The following ANKS1B variants were observed in gnomAD, a reference collection of about 807,000 sequenced individuals.
The protein encoded by ANKS1B is ankyrin repeat and sterile alpha motif domain-containing protein 1B.
Under a neutral mutation model 148.3 loss-of-function variants are expected in ANKS1B, and 36 were observed. That is an observed-to-expected ratio of 0.24 (90% CI 0.19 to 0.32). ANKS1B has a LOEUF of 0.32. Among genes scored for constraint, ANKS1B ranks in the 10% least tolerant of loss-of-function variants. The pLI, the probability that ANKS1B is intolerant of heterozygous loss-of-function variation, is 1.00. For synonymous variants in ANKS1B, 542 were observed against 560.8 expected, an observed-to-expected ratio of 0.97 and a Z score of 0.47; for missense variants, 1,157 against 1,542.6, an observed-to-expected ratio of 0.75 and a Z score of 4.19.
chr12:99,197,437 G>A (rs903437622), intron 14 of ANKS1B, among the ~76,000 whole-genome samples: 3 of 152,104 alleles, frequency 2.0e-5, no homozygotes, highest in African/African-American at 7.2e-5. Flanking sequence ...AGGCAGAATA[G>A]TGGCCCCCAA....
intron 11 of ANKS1B, among the ~76,000 whole-genome samples, chr12:99,438,250 A>G (rs928607094): frequency 1.5e-4 from 23 of 151,924 alleles, no homozygotes; most frequent in African/African-American, 5.6e-4. Flanking sequence ...ATGAACATTA[A>G]ATTATATTAG....
chr12:99,164,690 A>G (rs1365625496), intron 14 of ANKS1B, among the ~76,000 whole-genome samples: 1 of 152,030 alleles, frequency 6.6e-6, no homozygotes, highest in African/African-American at 2.4e-5. Flanking sequence ...TCTTTTTCCT[A>G]CAACCACATG....
chr12:99,581,149 T>C (rs971068278), intron 9 of ANKS1B, among the ~76,000 whole-genome samples: 13 of 152,282 alleles, frequency 8.5e-5, no homozygotes, highest in Middle Eastern at 3.4e-3. Flanking sequence ...CTATTTGATT[T>C]CAAGACTTAA....
chr12:99,958,211 C>T (rs2095352468), intron 1 of ANKS1B, among the ~76,000 whole-genome samples: 1 of 152,048 alleles, frequency 6.6e-6, no homozygotes, highest in Non-Finnish European at 1.5e-5. Flanking sequence ...GTCCATGATG[C>T]CTGCTGAAAA....
chr12:98,938,284 T>C (rs1251727449), intron 17 of ANKS1B, among the ~76,000 whole-genome samples: 3 of 152,218 alleles, frequency 2.0e-5, no homozygotes, highest in Non-Finnish European at 2.9e-5. Context: ...TCTCATAGGT[T>C]TCAGTGGAAT....
chr12:99,285,850 A>G (rs986550204), intron 12 of ANKS1B, among the ~76,000 whole-genome samples: 2 of 152,116 alleles, frequency 1.3e-5, no homozygotes, highest in African/African-American at 4.8e-5. Flanking sequence ...GCTGGCACCC[A>G]AAGAGTGAGC....
chr12:99,710,664 A>G (rs1191913712), intron 8 of ANKS1B, among the ~76,000 whole-genome samples: 1 of 152,164 alleles, frequency 6.6e-6, no homozygotes, highest in Admixed American at 6.5e-5. Flanking sequence ...AGAGAAGAAT[A>G]TATCTCTGGT....
At chr12:99,376,528 T>C (rs1488346747) in intron 12 of ANKS1B, among the ~76,000 whole-genome samples, 1 of 152,216 alleles carries the variant, frequency 6.6e-6, no homozygotes, top group Non-Finnish European at 1.5e-5. Context: ...GGAATCCTGA[T>C]TATTGCTTTG....
At chr12:98,974,204 A>T (rs2099887765) in intron 17 of ANKS1B, among the ~76,000 whole-genome samples, 1 of 152,194 alleles carries the variant, frequency 6.6e-6, no homozygotes, top group Non-Finnish European at 1.5e-5. Context: ...GCCAAGCATC[A>T]GTGTCTCCAA....
chr12:99,283,661 T>G (rs2154001848), intron 12 of ANKS1B, among the ~76,000 whole-genome samples: 1 of 152,334 alleles, frequency 6.6e-6, no homozygotes, highest in East Asian at 1.9e-4. Context: ...TAAGTAGATC[T>G]TTCACTGCAG....
chr12:99,153,070 C>A (rs2075360444), intron 15 of ANKS1B, among the ~76,000 whole-genome samples: 1 of 152,108 alleles, frequency 6.6e-6, no homozygotes, highest in Non-Finnish European at 1.5e-5. Flanking sequence ...GCATTCTGTG[C>A]ATGCAATTAC....
chr12:99,107,101 T>A (rs938612133), intron 15 of ANKS1B, among the ~76,000 whole-genome samples: 1 of 151,794 alleles, frequency 6.6e-6, no homozygotes, highest in Admixed American at 6.6e-5. Flanking sequence ...ACAATTAATA[T>A]AGTGAAAATA....
chr12:99,115,747 A>G (rs1167160531), intron 15 of ANKS1B, among the ~76,000 whole-genome samples: 1 of 152,090 alleles, frequency 6.6e-6, no homozygotes, highest in African/African-American at 2.4e-5. Context: ...CCTGACTAAC[A>G]TGGTGAAACT....
At chr12:99,195,782 T>C (rs991655063) in intron 14 of ANKS1B, among the ~76,000 whole-genome samples, 1 of 152,076 alleles carries the variant, frequency 6.6e-6, no homozygotes, top group African/African-American at 2.4e-5. Flanking sequence ...TGGTCCATGA[T>C]AGTAAAAATG....
intron 17 of ANKS1B, among the ~76,000 whole-genome samples, chr12:98,854,854 G>A (rs1231605727): frequency 6.6e-6 from 1 of 152,168 alleles, no homozygotes; most frequent in African/African-American, 2.4e-5. Flanking sequence ...ATTTTAATCT[G>A]AATAAAGTTT....
At chr12:99,539,460 C>T (rs1409863784) in intron 9 of ANKS1B, among the ~76,000 whole-genome samples, 1 of 151,778 alleles carries the variant, frequency 6.6e-6, no homozygotes, top group Non-Finnish European at 1.5e-5. Context: ...ATTATAACCT[C>T]TAGAATACCA....
chr12:99,777,444 C>T (rs1208518764), intron 6 of ANKS1B, among the ~76,000 whole-genome samples: 2 of 152,206 alleles, frequency 1.3e-5, no homozygotes, highest in African/African-American at 4.8e-5. Context: ...AACATTTCAT[C>T]TTATATAAAC....
intron 9 of ANKS1B, chr12:99,648,820 G>C: frequency 6.3e-7 from 1 of 1,583,698 alleles, no homozygotes; most frequent in Non-Finnish European, 8.6e-7. Context: ...GATGGGGCCT[G>C]GATGCTTTGG....
chr12:99,859,495 T>C (rs924645056), intron 1 of ANKS1B, among the ~76,000 whole-genome samples: 3 of 152,232 alleles, frequency 2.0e-5, no homozygotes, highest in African/African-American at 7.2e-5. Context: ...CAATCACTTT[T>C]GACTGGTGTT....
Sources: gnomAD v4.1 joint callset for allele counts (sites outside exome capture counted in the v4.1 genomes callset) on GRCh38, gnomAD v4.1.1 for gene constraint, MANE v1.5 for transcripts, NCBI Gene and HGNC (gene_info 2026-07-23, HGNC 2026-07-21) for gene names.